The following SP100 variants were observed in gnomAD, a reference collection of about 807,000 sequenced individuals.
The protein encoded by SP100 is nuclear autoantigen Sp-100.
In SP100, 84 loss-of-function variants were observed where a neutral mutation model predicts 130.0. That is an observed-to-expected ratio of 0.65 (90% CI 0.54 to 0.77). SP100 has a LOEUF of 0.77. Ranked by LOEUF, SP100 falls within the 30% of genes least tolerant of loss-of-function variation. SP100 has a pLI of 0.00. For synonymous variants in SP100, 331 were observed against 351.7 expected, an observed-to-expected ratio of 0.94 and a Z score of 0.66; for missense variants, 978 against 1,052.2, an observed-to-expected ratio of 0.93 and a Z score of 0.97.
chr2:230,416,981 T>G, intron 1 of SP100: 8 of 650,780 alleles, frequency 1.2e-5, no homozygotes, highest in Non-Finnish European at 1.3e-5. Context: ...AACTTTTCTC[T>G]AGTAGTGAGT....
At position 230,503,052 on chromosome 2, in the gene SP100, T is replaced by C. The variant is rs2067125362; in HGVS notation, c.1721-14T>C. ...ATGTAAAGAGACATTTATGTTGTTT[T>C]TCAACTTTCTCAGGAAGAAAAGCCA... is the stretch of plus-strand genomic sequence containing the variant. On this transcript the variant is annotated splice_polypyrimidine_tract_variant and intron_variant, in intron 19 of 28. Coordinates refer to ENST00000340126, the MANE Select transcript of SP100 (RefSeq NM_001080391.2). 1.9e-6 allele frequency: 3 copies of C among 1,591,762 alleles called. No individual in the cohort carries two copies. Among genetic ancestry groups the C allele is most frequent in the Non-Finnish European group, 2.6e-6 (3 of 1,166,492 alleles).
chr2:230,449,885 A>G (rs2063889136), intron 7 of SP100, among the ~76,000 whole-genome samples, 175 bp downstream of exon 7: 1 of 152,200 alleles, frequency 6.6e-6, no homozygotes, highest in South Asian at 2.1e-4. Flanking sequence ...CATACTGATG[A>G]CAAAGACCTG....
At chr2:230,423,397 T>G (rs1211562448) in intron 2 of SP100, among the ~76,000 whole-genome samples, 1 of 152,188 alleles carries the variant, frequency 6.6e-6, no homozygotes, top group Admixed American at 6.5e-5. Context: ...CTTTGTTTTC[T>G]TGATCAATCT....
intron 2 of SP100, among the ~76,000 whole-genome samples, chr2:230,437,774 T>C (rs946165196): frequency 2.6e-5 from 4 of 152,126 alleles, no homozygotes; most frequent in African/African-American, 9.7e-5. Flanking sequence ...GTCAGGCTGG[T>C]CTTGAACTCC....
chr2:230,540,504 G>A (rs836236), intron 25 of SP100, among the ~76,000 whole-genome samples: 126,713 of 152,186 alleles, frequency 0.83, 53,367 homozygotes, highest in Middle Eastern at 0.92. Flanking sequence ...TGATTTTTCT[G>A]TGATCTGATT....
At chr2:230,440,981 AT>A in intron 2 of SP100, among the ~76,000 whole-genome samples, 1 of 152,314 alleles carries the variant, frequency 6.6e-6, no homozygotes, top group African/African-American at 2.4e-5. Flanking sequence ...ATTGGATTTC[AT>A]CAAAATTACA....
At chr2:230,500,142 A>T (rs141331632) in intron 19 of SP100, among the ~76,000 whole-genome samples, 14 of 152,276 alleles carry the variant, frequency 9.2e-5, no homozygotes, top group Non-Finnish European at 1.5e-4. Context: ...GCTATGAAAA[A>T]ATATATATTT....
At chr2:230,464,930 A>G (rs1171871384) in intron 11 of SP100, among the ~76,000 whole-genome samples, 1 of 152,128 alleles carries the variant, frequency 6.6e-6, no homozygotes, top group Non-Finnish European at 1.5e-5. Context: ...CACCTCTACC[A>G]AAAATACAAA....
At chr2:230,465,104 C>T (rs867914208) in intron 11 of SP100, among the ~76,000 whole-genome samples, 5 of 152,262 alleles carry the variant, frequency 3.3e-5, no homozygotes, top group South Asian at 2.1e-4. Context: ...GGCATGGTGG[C>T]GCTTGCCTAT....
chr2:230,437,030 G>A lies in SP100; in HGVS notation c.108-5907G>A, dbSNP rs115979162. ...CACACACATATATATGTAAAAGACCGTGGTAATGGTAGACATCCCCATATT... is the reference window on the plus strand; with the variant it reads ...CACACACATATATATGTAAAAGACCATGGTAATGGTAGACATCCCCATATT... On this transcript the variant is annotated intron_variant, in intron 2 of 28. Transcript: ENST00000340126. Among the ~76,000 whole-genome samples, 1,168 of 149,482 alleles carry A rather than the reference G, an allele frequency of 7.8e-3. 17 individuals are homozygous for A. Among genetic ancestry groups the A allele is most frequent in the African/African-American group, 0.027 (1,080 of 39,514 alleles).
At chr2:230,444,685 CA>C (rs1272689674) in intron 4 of SP100, among the ~76,000 whole-genome samples, 10 of 152,302 alleles carry the variant, frequency 6.6e-5, no homozygotes, top group Non-Finnish European at 1.2e-4. Flanking sequence ...TAGCATCCAC[CA>C]AATTGACTAC....
intron 17 of SP100, among the ~76,000 whole-genome samples, chr2:230,481,692 C>G (rs993759810): frequency 6.6e-6 from 1 of 152,074 alleles, no homozygotes; most frequent in Admixed American, 6.5e-5. Context: ...CCAGTTGAAC[C>G]TAGAAAAAAA....
intron 2 of SP100, among the ~76,000 whole-genome samples, chr2:230,432,252 A>T (rs942115329): frequency 4.6e-5 from 7 of 152,168 alleles, no homozygotes; most frequent in African/African-American, 1.7e-4. Context: ...GTATTCCATT[A>T]TATGGCTCTA....
At chr2:230,476,041 A>T (rs1038258894) in intron 17 of SP100, among the ~76,000 whole-genome samples, 1 of 152,160 alleles carries the variant, frequency 6.6e-6, no homozygotes, top group East Asian at 1.9e-4. Flanking sequence ...GTTCCAACTG[A>T]GTTTTAGAAT....
chr2:230,425,937 G>T (rs1482149166), intron 2 of SP100, among the ~76,000 whole-genome samples: 3 of 151,764 alleles, frequency 2.0e-5, no homozygotes, highest in Non-Finnish European at 4.4e-5. Flanking sequence ...ACTCATTATT[G>T]GTCTGTTCAG....
At chr2:230,499,074 C>T (rs921172347) in intron 19 of SP100, among the ~76,000 whole-genome samples, 1 of 152,148 alleles carries the variant, frequency 6.6e-6, no homozygotes, top group Non-Finnish European at 1.5e-5. Flanking sequence ...CCCCCTCTCC[C>T]GCATCATCAG....
intron 27 of SP100, among the ~76,000 whole-genome samples, chr2:230,541,612 A>T (rs1382569824): frequency 1.3e-5 from 2 of 152,162 alleles, no homozygotes; most frequent in African/African-American, 4.8e-5. Flanking sequence ...GCTGTCTTCT[A>T]GGTGTCAGAG....
intron 14 of SP100, chr2:230,469,805 A>C: frequency 6.8e-7 from 1 of 1,460,264 alleles, no homozygotes; most frequent in Non-Finnish European, 9.1e-7. Flanking sequence ...AGAAGAAACA[A>C]TGTCATCCCC....
chr2:230,467,163 G>A lies in SP100; in HGVS notation c.1239G>A (p.Glu413=). Residue 413 remains glutamate (E), a synonymous_variant, in exon 13 of 29, where the codon GAG becomes GAA. Transcript: ENST00000340126. The stretch of plus-strand genomic sequence containing the variant: ...ACTTTTCAGAATCCAGTGAGGAGGA[G>A]GCGCCCGCAGAAGCCTCGAGCGGGG... The part of the protein sequence containing the change: ...DHDFSESSEE[E]APAEASSGAL... The A allele has an allele frequency of 6.2e-7, 1 of 1,613,976 alleles. No individual in the cohort carries two copies. The highest frequency in any genetic ancestry group is 8.5e-7 in the Non-Finnish European group (1 of 1,179,900).
Sources: allele counts gnomAD v4.1 joint callset (sites outside exome capture counted in the v4.1 genomes callset), GRCh38; gene constraint gnomAD v4.1.1; transcripts MANE v1.5; gene names NCBI Gene and HGNC (gene_info 2026-07-23, HGNC 2026-07-21).